The following RAD51B variants were observed in gnomAD, a reference collection of about 807,000 sequenced individuals.
RAD51B encodes the protein RAD51 paralog B.
A neutral mutation model predicts 42.2 loss-of-function variants in RAD51B; 38 were observed. That is an observed-to-expected ratio of 0.90 (90% CI 0.70 to 1.18). The LOEUF (loss-of-function observed/expected upper bound fraction) is 1.18, where lower values mean the gene tolerates loss of function less well. RAD51B is among the 50% of genes most tolerant of loss of function. The pLI, the probability that RAD51B is intolerant of heterozygous loss-of-function variation, is 0.00. For synonymous variants in RAD51B, 154 were observed against 145.2 expected (o/e 1.06, Z -0.43); for missense variants, 373 against 400.7 (o/e 0.93, Z 0.59).
At chr14:68,293,398 G>T (rs1390210204) in intron 8 of RAD51B, among the ~76,000 whole-genome samples, 1 of 152,098 alleles carries the variant, frequency 6.6e-6, no homozygotes, top group South Asian at 2.1e-4. Flanking sequence ...AAATCAGGTG[G>T]CTTGTTTTTT....
At chr14:68,058,608 A>G (rs115933457) in intron 7 of RAD51B, among the ~76,000 whole-genome samples, 5 of 152,206 alleles carry the variant, frequency 3.3e-5, no homozygotes, top group African/African-American at 1.2e-4. Flanking sequence ...TCATTTTTTA[A>G]GGTTGTATAG....
At chr14:68,355,368 G>A (rs540561934) in intron 8 of RAD51B, among the ~76,000 whole-genome samples, 5 of 152,278 alleles carry the variant, frequency 3.3e-5, no homozygotes, top group African/African-American at 1.2e-4. Context: ...AAAACGTTTA[G>A]CTCCTCATTT....
chr14:68,317,151 C>G lies in RAD51B; in HGVS notation c.853+25171C>G, dbSNP rs566833077. On this transcript the variant is annotated intron_variant, in intron 8 of 10. Transcript: ENST00000471583. Reference sequence around the variant, plus strand: ...TTTCAGAACATTTTCCATATTTTTGCTTACCAAATGGTATGACCTACTTGA... The same window carrying G: ...TTTCAGAACATTTTCCATATTTTTGGTTACCAAATGGTATGACCTACTTGA... Among the ~76,000 whole-genome samples, 25 of 152,162 alleles carry G rather than the reference C, an allele frequency of 1.6e-4. 1 individual carries two copies. The highest frequency in any genetic ancestry group is 6.0e-4 in the African/African-American group (25 of 41,520).
chr14:67,865,448 G>A (rs1326308215), intron 5 of RAD51B, among the ~76,000 whole-genome samples: 10 of 151,306 alleles, frequency 6.6e-5, no homozygotes, highest in Non-Finnish European at 1.5e-4. Flanking sequence ...TGTTGGCCAA[G>A]CTGGTATTGA....
chr14:68,294,615 T>C (rs939448768), intron 8 of RAD51B, among the ~76,000 whole-genome samples: 2 of 152,218 alleles, frequency 1.3e-5, no homozygotes, highest in African/African-American at 4.8e-5. Flanking sequence ...GTTGGAAGAA[T>C]ACAAGATTGC....
chr14:68,262,887 T>A (rs2080917096), intron 7 of RAD51B, among the ~76,000 whole-genome samples: 1 of 152,358 alleles, frequency 6.6e-6, no homozygotes, highest in South Asian at 2.1e-4. Flanking sequence ...ACTATCCATC[T>A]CTTCATCAAA....
chr14:68,008,914 C>T (rs766523605), intron 7 of RAD51B, among the ~76,000 whole-genome samples: 6 of 151,888 alleles, frequency 4.0e-5, no homozygotes, highest in East Asian at 1.9e-4. Context: ...TTGCCAAGGC[C>T]GTGTAAATAG....
At chr14:67,906,123 T>G (rs1167886192) in intron 7 of RAD51B, among the ~76,000 whole-genome samples, 1 of 152,262 alleles carries the variant, frequency 6.6e-6, no homozygotes, top group Non-Finnish European at 1.5e-5. Flanking sequence ...TGAATTTTAT[T>G]GAAAGCCTTT....
intron 7 of RAD51B, among the ~76,000 whole-genome samples, chr14:68,190,639 T>G (rs745580680): frequency 3.3e-5 from 5 of 152,194 alleles, no homozygotes; most frequent in Admixed American, 6.5e-5. Flanking sequence ...GCACTCTATA[T>G]TCTATATGCT....
chr14:67,967,217 C>T (rs2074798018), intron 7 of RAD51B, among the ~76,000 whole-genome samples: 1 of 152,184 alleles, frequency 6.6e-6, no homozygotes, highest in Admixed American at 6.5e-5. Context: ...AACTATCTTC[C>T]ACCAGGTCCC....
At chr14:68,457,334 G>C (rs532658378) in intron 9 of RAD51B, among the ~76,000 whole-genome samples, 121 of 152,126 alleles carry the variant, frequency 8.0e-4, no homozygotes, top group Non-Finnish European at 1.3e-4. Flanking sequence ...TAAATCACAA[G>C]AGAAATTAGA....
intron 7 of RAD51B, among the ~76,000 whole-genome samples, chr14:68,222,252 A>G (rs148439388): frequency 1.5e-4 from 23 of 152,380 alleles, no homozygotes; most frequent in African/African-American, 5.0e-4. Context: ...ACAGTTTGCA[A>G]TTGCAAAAAT....
At chr14:68,560,455 G>T (rs1274370623) in intron 10 of RAD51B, among the ~76,000 whole-genome samples, 1 of 152,112 alleles carries the variant, frequency 6.6e-6, no homozygotes, top group Non-Finnish European at 1.5e-5. Context: ...GACCTTCAGA[G>T]CTGGGCGCGG....
chr14:68,482,917 C>T (rs1883313873), downstream of RAD51B, among the ~76,000 whole-genome samples: 1 of 152,180 alleles, frequency 6.6e-6, no homozygotes, highest in Non-Finnish European at 1.5e-5. Flanking sequence ...CAGTGACTTG[C>T]AAAATCCATG....
chr14:68,058,294 G>A lies in RAD51B; in HGVS notation c.756+171090G>A, dbSNP rs148655844. ...GGTCACATACCTTTGACCCTTTTTG[G>A]CCTTTCCAGTAGAGGCCAACTATAG... On this transcript the variant is annotated intron_variant, in intron 7 of 10. Coordinates refer to ENST00000471583, the MANE Select transcript of RAD51B (RefSeq NM_133510.4). 9.0e-4 allele frequency among the ~76,000 whole-genome samples: 137 copies of A among 151,972 alleles called. 2 individuals carry two copies. In the East Asian group the frequency reaches 0.024, roughly 27 times the overall value.
At chr14:68,520,170 CA>C (rs1886473210) in intron 10 of RAD51B, among the ~76,000 whole-genome samples, 1 of 152,126 alleles carries the variant, frequency 6.6e-6, no homozygotes, top group Admixed American at 6.5e-5. Flanking sequence ...GTATTTTTTC[CA>C]CATGCAGTTG....
intron 10 of RAD51B, among the ~76,000 whole-genome samples, chr14:68,610,749 G>A (rs1167335133): frequency 6.6e-6 from 1 of 151,752 alleles, no homozygotes; most frequent in Non-Finnish European, 1.5e-5. Flanking sequence ...CGTACTCAAG[G>A]CCTACCTCCT....
intron 7 of RAD51B, among the ~76,000 whole-genome samples, chr14:68,001,788 A>T (rs2075489243): frequency 6.6e-6 from 1 of 152,174 alleles, no homozygotes; most frequent in South Asian, 2.1e-4. Flanking sequence ...ACAAGCGAGA[A>T]CATGTGGCGT....
At chr14:68,231,632 T>C (rs2080151955) in intron 7 of RAD51B, among the ~76,000 whole-genome samples, 1 of 152,178 alleles carries the variant, frequency 6.6e-6, no homozygotes, top group Admixed American at 6.5e-5. Context: ...TACAAATCAA[T>C]GGATAAGAAT....
Sources: gnomAD v4.1 joint callset for allele counts (sites outside exome capture counted in the v4.1 genomes callset) on GRCh38, gnomAD v4.1.1 for gene constraint, MANE v1.5 for transcripts, NCBI Gene and HGNC (gene_info 2026-07-23, HGNC 2026-07-21) for gene names.